The following TNRC6B variants were observed in gnomAD, a reference collection of about 807,000 sequenced individuals.
TNRC6B encodes the protein trinucleotide repeat-containing gene 6B protein.
In TNRC6B, 52 loss-of-function variants were observed where a neutral mutation model predicts 203.6. The observed-to-expected ratio is 0.26, with a 90% CI of 0.20 to 0.32. TNRC6B has a LOEUF of 0.32. Ranked by LOEUF, TNRC6B falls within the 10% of genes least tolerant of loss-of-function variation. The pLI, the probability that TNRC6B is intolerant of heterozygous loss-of-function variation, is 1.00. For synonymous variants in TNRC6B, 838 were observed against 845.7 expected (o/e 0.99, Z 0.16); for missense variants, 1,923 against 2,286.2 (o/e 0.84, Z 3.24).
At chr22:40,270,065 G>T in intron 5 of TNRC6B, 57 bp from the exon 6 acceptor site, 1 of 1,530,236 alleles carries the variant, frequency 6.5e-7, no homozygotes, top group Non-Finnish European at 8.8e-7. Context: ...CACCCCACTG[G>T]ATATTATGGC....
intron 15 of TNRC6B, among the ~76,000 whole-genome samples, chr22:40,302,764 G>A (rs1406915994): frequency 6.6e-6 from 1 of 152,202 alleles, no homozygotes; most frequent in Non-Finnish European, 1.5e-5. Flanking sequence ...TGCAGGGGGT[G>A]AGCAAAGACT....
At chr22:40,226,712 C>T (rs2069790688) in intron 1 of TNRC6B, among the ~76,000 whole-genome samples, 1 of 152,048 alleles carries the variant, frequency 6.6e-6, no homozygotes, top group South Asian at 2.1e-4. Context: ...TTTTTGATTC[C>T]TTGCCTGTGA....
At chr22:40,114,499 T>G (rs189128640) in intron 1 of TNRC6B, among the ~76,000 whole-genome samples, 1 of 152,256 alleles carries the variant, frequency 6.6e-6, no homozygotes, top group Admixed American at 6.5e-5. Context: ...TTTTTACATT[T>G]TTTTGTAGAG....
chr22:40,163,473 A>AC, intron 4 of TNRC6B, among the ~76,000 whole-genome samples: 1 of 129,414 alleles, frequency 7.7e-6, no homozygotes, highest in Non-Finnish European at 1.6e-5. Flanking sequence ...AAAAAAAAAA[A>AC]AAAAAAAGGC....
intron 3 of TNRC6B, among the ~76,000 whole-genome samples, chr22:40,149,163 A>G (rs1338735178): frequency 2.7e-4 from 41 of 152,246 alleles, no homozygotes; most frequent in Admixed American, 2.6e-3. Flanking sequence ...TGAACAATGG[A>G]ATACTACTCA....
intron 1 of TNRC6B, among the ~76,000 whole-genome samples, chr22:40,077,765 T>TTGTGTG (rs10640739): frequency 2.0e-5 from 3 of 151,234 alleles, no homozygotes; most frequent in East Asian, 1.9e-4. Context: ...TGGCAGTCTT[T>TTGTGTG]TGTGTGTGTG....
Position 40,104,199 on chromosome 22 carries a change from G to A in TNRC6B, c.-120-12856G>A, listed in dbSNP as rs939752265. ...TCAGGAGGTGGAGGCTGCAGTGAGCGGAGATCACACCATTGCATTCCAGCC... is the reference window on the plus strand; with the variant it reads ...TCAGGAGGTGGAGGCTGCAGTGAGCAGAGATCACACCATTGCATTCCAGCC... On this transcript the variant is annotated intron_variant, in intron 1 of 23. Coordinates refer to the TNRC6B transcript ENST00000301923. Among the ~76,000 whole-genome samples, 4 of 151,984 alleles carry A rather than the reference G, an allele frequency of 2.6e-5. No individual in the cohort carries two copies. The South Asian group carries it at 8.3e-4, about 32-fold the overall frequency.
Position 40,178,152 on chromosome 22 carries a change from T to C in TNRC6B, c.5+12T>C, listed in dbSNP as rs1193008153. The C allele has an allele frequency of 6.2e-7, 1 of 1,613,434 alleles. No individual in the cohort carries two copies. The highest frequency in any genetic ancestry group is 8.5e-7 in the Non-Finnish European group (1 of 1,179,696). ...CTGCACTTTATGAGGTTGGTAAATA[T>C]TTTCAATTTTTTTTAACCAATTGAT... On this transcript the variant is annotated intron_variant, in intron 1 of 22. Transcript: ENST00000454349.
intron 3 of TNRC6B, among the ~76,000 whole-genome samples, chr22:40,141,092 T>G (rs778664556): frequency 2.6e-5 from 4 of 152,024 alleles, no homozygotes; most frequent in African/African-American, 4.8e-5. Context: ...ACATATTTGC[T>G]TTGTCATATT....
chr22:40,302,620 A>AAGACCCC (rs915685728), intron 15 of TNRC6B, among the ~76,000 whole-genome samples: 7 of 150,534 alleles, frequency 4.7e-5, no homozygotes, highest in African/African-American at 1.7e-4. Context: ...GTGATAGAGC[A>AAGACCCC]AGACCCCATC....
At chr22:40,101,354 G>T (rs554631271) in intron 1 of TNRC6B, among the ~76,000 whole-genome samples, 2 of 152,172 alleles carry the variant, frequency 1.3e-5, no homozygotes, top group African/African-American at 2.4e-5. Context: ...CCGAGGGCTT[G>T]TTAACAGCAC....
At chr22:40,056,631 C>CA (rs1194650943) in intron 1 of TNRC6B, among the ~76,000 whole-genome samples, 1 of 151,710 alleles carries the variant, frequency 6.6e-6, no homozygotes, top group East Asian at 1.9e-4. Flanking sequence ...CCCATCTCTA[C>CA]AAAAAATGTT....
At chr22:40,168,568 A>G (rs1461055675) in intron 4 of TNRC6B, among the ~76,000 whole-genome samples, 1 of 152,218 alleles carries the variant, frequency 6.6e-6, no homozygotes, top group Non-Finnish European at 1.5e-5. Flanking sequence ...AAATAGTATA[A>G]ATGTTAACAT....
chr22:40,151,817 T>G (rs1413137843), intron 3 of TNRC6B, among the ~76,000 whole-genome samples: 4 of 144,950 alleles, frequency 2.8e-5, no homozygotes, highest in African/African-American at 1.0e-4. Context: ...AAAATCAATC[T>G]CAGAGATTCA....
At chr22:40,289,112 G>T (rs983428842) in intron 12 of TNRC6B, among the ~76,000 whole-genome samples, 3 of 152,032 alleles carry the variant, frequency 2.0e-5, no homozygotes, top group Non-Finnish European at 2.9e-5. Flanking sequence ...ACCGCGCCCA[G>T]CCTACAAAAA....
intron 1 of TNRC6B, among the ~76,000 whole-genome samples, chr22:40,103,592 T>C (rs2068258196): frequency 6.6e-6 from 1 of 152,164 alleles, no homozygotes; most frequent in Non-Finnish European, 1.5e-5. Context: ...AAAAAGACAT[T>C]TGGGTTGTTT....
At chr22:40,173,206 C>T (rs932707427), upstream of TNRC6B, among the ~76,000 whole-genome samples, 1 of 152,066 alleles carries the variant, frequency 6.6e-6, no homozygotes, top group Non-Finnish European at 1.5e-5. Context: ...AAGCAATTCT[C>T]CTGCCTCAGG....
chr22:40,244,766 G>A (rs1489038255), intron 1 of TNRC6B, among the ~76,000 whole-genome samples: 3 of 152,148 alleles, frequency 2.0e-5, no homozygotes, highest in East Asian at 1.9e-4. Flanking sequence ...TCCTTCCAGC[G>A]ATGAAATTCC....
chr22:40,315,561 T>A, intron 20 of TNRC6B, 54 bp downstream of exon 20: 1 of 1,560,174 alleles, frequency 6.4e-7, no homozygotes, highest in East Asian at 2.3e-5. Flanking sequence ...GGGGCTTATG[T>A]TAACACAGAT....
Sources: gnomAD v4.1 joint callset for allele counts (sites outside exome capture counted in the v4.1 genomes callset) on GRCh38, gnomAD v4.1.1 for gene constraint, MANE v1.5 for transcripts, NCBI Gene and HGNC (gene_info 2026-07-23, HGNC 2026-07-21) for gene names.